AK5: variants seen among roughly 807,000 people sequenced by gnomAD.
AK5 encodes adenylate kinase isoenzyme 5.
AK5 carries 27 observed loss-of-function variants against 69.5 expected under a neutral mutation model. The observed-to-expected ratio is 0.39, with a 90% CI of 0.29 to 0.54. AK5 has a LOEUF of 0.54. Among genes scored for constraint, AK5 ranks in the 20% least tolerant of loss-of-function variants. AK5 has a pLI of 0.71. For synonymous variants in AK5, 260 were observed against 244.4 expected, an observed-to-expected ratio of 1.06 and a Z score of -0.60; for missense variants, 531 against 700.4, an observed-to-expected ratio of 0.76 and a Z score of 2.73.
At chr1:77,350,784 C>T (rs1373952723) in intron 6 of AK5, among the ~76,000 whole-genome samples, 1 of 151,992 alleles carries the variant, frequency 6.6e-6, no homozygotes, top group South Asian at 2.1e-4. Flanking sequence ...CATGGCAAGG[C>T]TGAAAGGAAA....
At chr1:77,351,116 G>A (rs910538388) in intron 6 of AK5, among the ~76,000 whole-genome samples, 1 of 152,178 alleles carries the variant, frequency 6.6e-6, no homozygotes, top group Non-Finnish European at 1.5e-5. Context: ...TAACTGGGCC[G>A]GGCGCGGTGG....
chr1:77,437,578 C>A (rs1457030038), intron 8 of AK5, among the ~76,000 whole-genome samples: 1 of 152,058 alleles, frequency 6.6e-6, no homozygotes, highest in East Asian at 1.9e-4. Context: ...TTTTAGAAAC[C>A]TCTTTTTCTC....
chr1:77,303,160 A>G (rs1670609), intron 5 of AK5, among the ~76,000 whole-genome samples: 149,683 of 152,294 alleles, frequency 0.98, 73,613 homozygotes, highest in Middle Eastern at 1. Flanking sequence ...TGAGGGGAGG[A>G]CAGTTTTAGT....
At chr1:77,475,114 A>G (rs1393602108) in intron 8 of AK5, among the ~76,000 whole-genome samples, 1 of 149,572 alleles carries the variant, frequency 6.7e-6, no homozygotes, top group Non-Finnish European at 1.5e-5. Context: ...AGTGTGTTTT[A>G]TTCTAATAAT....
chr1:77,464,335 G>A lies in AK5; in HGVS notation c.1060-18982G>A, dbSNP rs1474585631. Among the ~76,000 whole-genome samples, 6 of 152,166 alleles carry A rather than the reference G, an allele frequency of 3.9e-5. No individual in the cohort carries two copies. In the South Asian group the frequency reaches 6.2e-4, roughly 16 times the overall value. ...TGCTGCAAAGGGTGCCAACTTCCCC[G>A]AGGCTCCACCCCAGTGCGCAGGCCG... On this transcript the variant is annotated intron_variant, in intron 8 of 13. Transcript: ENST00000354567.
At chr1:77,392,960 T>G (rs1194790503) in intron 6 of AK5, among the ~76,000 whole-genome samples, 1 of 152,044 alleles carries the variant, frequency 6.6e-6, no homozygotes, top group Non-Finnish European at 1.5e-5. Flanking sequence ...TGAGACAGGG[T>G]CTTGCTCTGT....
At chr1:77,367,463 T>G (rs938756687) in intron 6 of AK5, among the ~76,000 whole-genome samples, 4 of 71,142 alleles carry the variant, frequency 5.6e-5, no homozygotes, top group Non-Finnish European at 1.2e-4. Flanking sequence ...GCTAGGCGCA[T>G]GCACCACCAC....
intron 5 of AK5, among the ~76,000 whole-genome samples, chr1:77,327,953 T>A (rs1041864491): frequency 2.6e-5 from 4 of 152,162 alleles, no homozygotes; most frequent in African/African-American, 9.7e-5. Flanking sequence ...ATTACTCCCA[T>A]GTATATGAAA....
chr1:77,332,340 T>G (rs1661132522), intron 5 of AK5, among the ~76,000 whole-genome samples: 1 of 151,452 alleles, frequency 6.6e-6, no homozygotes. Flanking sequence ...ATTTTATTAC[T>G]TTCTACTCTT....
chr1:77,353,567 A>G (rs141842347), intron 6 of AK5, among the ~76,000 whole-genome samples: 215 of 152,260 alleles, frequency 1.4e-3, no homozygotes, highest in Non-Finnish European at 2.5e-3. Flanking sequence ...GGGACTTGCT[A>G]CCTTTTCTCA....
Position 77,367,555 on chromosome 1 carries a change from T to TA in AK5, c.891+26987_891+26988insA, listed in dbSNP as rs1553139660. ...TGTTGCCCAGACTCATTTATGTTAT[T>TA]TTTATATATATATATATATATATAA... is the stretch of plus-strand genomic sequence containing the variant. On this transcript the variant is annotated intron_variant, in intron 6 of 13. Coordinates refer to ENST00000354567, the MANE Select transcript of AK5 (RefSeq NM_174858.3). Among the ~76,000 whole-genome samples, 152 of 59,322 alleles carry TA rather than the reference T, an allele frequency of 2.6e-3. 18 individuals are homozygous for TA. Among genetic ancestry groups the TA allele is most frequent in the African/African-American group, 0.013 (145 of 10,852 alleles). 38.9% of individuals were successfully genotyped at this position (59,322 alleles called of 152,430 possible).
chr1:77,444,422 ACATAG>A (rs1161088806), intron 8 of AK5, among the ~76,000 whole-genome samples: 104 of 37,008 alleles, frequency 2.8e-3, no homozygotes, highest in African/African-American at 8.1e-3. Context: ...TATAGTATAT[ACATAG>A]TATAAATATA....
chr1:77,486,062 A>C (rs975448766), intron 9 of AK5, among the ~76,000 whole-genome samples: 21 of 152,190 alleles, frequency 1.4e-4, no homozygotes, highest in African/African-American at 4.8e-4. Context: ...TTGCAGTGAG[A>C]CAAGATCGAG....
intron 6 of AK5, among the ~76,000 whole-genome samples, chr1:77,374,737 T>C (rs1238990837): frequency 6.6e-6 from 1 of 151,900 alleles, no homozygotes; most frequent in African/African-American, 2.4e-5. Flanking sequence ...AGAATGTTGC[T>C]TGAGCCCAGG....
intron 8 of AK5, among the ~76,000 whole-genome samples, chr1:77,443,677 C>CGGGAG (rs759759530): frequency 7.5e-6 from 1 of 134,042 alleles, no homozygotes; most frequent in African/African-American, 2.8e-5. Context: ...TGTGGGGAGT[C>CGGGAG]TGTGTGTGTG....
chr1:77,497,989 A>C (rs1656454525), intron 10 of AK5, among the ~76,000 whole-genome samples: 1 of 152,210 alleles, frequency 6.6e-6, no homozygotes, highest in South Asian at 2.1e-4. Flanking sequence ...TTCTGGCTAT[A>C]GACACAGATG....
chr1:77,427,986 C>G (rs1651326517), intron 8 of AK5, among the ~76,000 whole-genome samples: 1 of 152,196 alleles, frequency 6.6e-6, no homozygotes, highest in African/African-American at 2.4e-5. Flanking sequence ...CCAAGCTATT[C>G]ATGAAGGATC....
At chr1:77,539,081 C>G (rs1420756045) in intron 13 of AK5, among the ~76,000 whole-genome samples, 1 of 152,212 alleles carries the variant, frequency 6.6e-6, no homozygotes, top group Non-Finnish European at 1.5e-5. Flanking sequence ...TTATGTGAAT[C>G]AGCTGGCTAC....
intron 6 of AK5, among the ~76,000 whole-genome samples, chr1:77,357,951 C>A (rs959376427): frequency 6.7e-6 from 1 of 149,432 alleles, no homozygotes; most frequent in African/African-American, 2.5e-5. Context: ...ATCTAAAAAT[C>A]TTACAGTTCC....
Sources: allele counts gnomAD v4.1 joint callset (sites outside exome capture counted in the v4.1 genomes callset), GRCh38; gene constraint gnomAD v4.1.1; transcripts MANE v1.5; gene names NCBI Gene and HGNC (gene_info 2026-07-23, HGNC 2026-07-21).